The following ZNF704 variants were observed in gnomAD, a reference collection of about 807,000 sequenced individuals.
The protein encoded by ZNF704 is zinc finger protein 704.
ZNF704 carries 10 observed loss-of-function variants against 44.7 expected under a neutral mutation model. The ratio of observed to expected loss-of-function variants is 0.22; its 90% confidence interval spans 0.14 to 0.38. ZNF704 has a LOEUF of 0.38. Among genes scored for constraint, ZNF704 ranks in the 10% least tolerant of loss-of-function variants. ZNF704 has a pLI of 1.00. For missense variants in ZNF704, 390 were observed against 545.5 expected, an observed-to-expected ratio of 0.71 and a Z score of 2.84; for synonymous variants, 211 against 207.6, an observed-to-expected ratio of 1.02 and a Z score of -0.14.
At chr8:80,661,082 T>G (rs1265669300) in intron 6 of ZNF704, among the ~76,000 whole-genome samples, 1 of 152,122 alleles carries the variant, frequency 6.6e-6, no homozygotes, top group Non-Finnish European at 1.5e-5. Flanking sequence ...TACAATGAAT[T>G]CAAACAACTC....
chr8:80,775,620 C>A (rs1467547728), intron 2 of ZNF704, among the ~76,000 whole-genome samples: 1 of 152,098 alleles, frequency 6.6e-6, no homozygotes, highest in Non-Finnish European at 1.5e-5. Context: ...GTTGAATATC[C>A]CAAATAAACT....
chr8:80,753,850 T>C (rs931814604), intron 2 of ZNF704, among the ~76,000 whole-genome samples: 2 of 152,102 alleles, frequency 1.3e-5, no homozygotes, highest in Non-Finnish European at 2.9e-5. Flanking sequence ...CAGTGCCAAA[T>C]AGCTAGGCCT....
chr8:80,781,589 T>G (rs1807524183), intron 2 of ZNF704, among the ~76,000 whole-genome samples: 1 of 152,190 alleles, frequency 6.6e-6, no homozygotes. Context: ...ATCGCTGCTT[T>G]AAATGTTAGG....
intron 1 of ZNF704, among the ~76,000 whole-genome samples, chr8:80,838,840 G>A (rs1442460741): frequency 2.0e-5 from 3 of 151,828 alleles, no homozygotes; most frequent in South Asian, 2.1e-4. Flanking sequence ...CAGAGTGGAG[G>A]AGGAAGAGGG....
intron 2 of ZNF704, among the ~76,000 whole-genome samples, chr8:80,816,744 C>A (rs1586048460): frequency 6.6e-6 from 1 of 152,192 alleles, no homozygotes; most frequent in African/African-American, 2.4e-5. Flanking sequence ...AGAAACAGTG[C>A]TTGCTCATGT....
intron 6 of ZNF704, 107 bp downstream of exon 6, chr8:80,664,708 G>T: frequency 7.3e-7 from 1 of 1,361,708 alleles, no homozygotes; most frequent in African/African-American, 1.4e-5. Context: ...CCGGGCTGCC[G>T]TGTGTGATGC....
intron 7 of ZNF704, among the ~76,000 whole-genome samples, chr8:80,658,297 T>C (rs1421863421): frequency 6.6e-6 from 1 of 152,008 alleles, no homozygotes; most frequent in African/African-American, 2.4e-5. Context: ...TCAATAATTC[T>C]GTAACTGTGG....
chr8:80,630,051 G>A lies in ZNF704; in HGVS notation c.*11315C>T, dbSNP rs927188889. 2.6e-5 allele frequency: 4 copies of A among 152,204 alleles called. No homozygotes were observed. Among genetic ancestry groups the A allele is most frequent in the Admixed American group, 2.6e-4 (4 of 15,288 alleles). 9.4% of individuals were successfully genotyped at this position (152,204 alleles called of 1,614,324 possible). A position where few individuals can be genotyped will look rare whatever the true frequency, so the allele number is the denominator to read the frequency against. ...TAAAAACATCAAGTAGGAGAATATA[G>A]ATGGGCTTCCCATATCCCCATAAGG... On this transcript the variant is annotated 3_prime_UTR_variant, in exon 9 of 9. Transcript: ENST00000327835.
rs1022764975 is a variant in ZNF704 at position 80,670,676 on chromosome 8, T to C, written c.559-73A>G. The C allele has an allele frequency of 1.3e-5, 15 of 1,123,480 alleles. No homozygotes were observed. The South Asian group carries it at 1.6e-4, about 12-fold the overall frequency. 69.6% of individuals were successfully genotyped at this position (1,123,480 alleles called of 1,614,324 possible). On this transcript the variant is annotated intron_variant, in intron 4 of 8. Transcript: ENST00000327835. The stretch of plus-strand genomic sequence containing the variant: ...ACATTTTCTTTATGTCATCCCAACA[T>C]ATTTTTTTCCTTCATTAGAAAAGTA...
rs141251850 is a variant in ZNF704 at position 80,715,166 on chromosome 8, C to G, written c.222-22059G>C. Among the ~76,000 whole-genome samples the G allele has an allele frequency of 8.6e-3, 1,311 of 152,234 alleles. 20 individuals are homozygous for G. The highest frequency in any genetic ancestry group is 0.014 in the Middle Eastern group (4 of 294). On this transcript the variant is annotated intron_variant, in intron 2 of 8. Coordinates refer to ENST00000327835, the MANE Select transcript of ZNF704 (RefSeq NM_001033723.3). ...ATATTGCAAAAAAATAATTCACTTC[C>G]CCGTTTTCATGAGCAGAAATACAGG...
At chr8:80,779,159 C>T (rs753028292) in intron 2 of ZNF704, among the ~76,000 whole-genome samples, 25 of 150,822 alleles carry the variant, frequency 1.7e-4, no homozygotes, top group Non-Finnish European at 2.4e-4. Flanking sequence ...CTCCTCCTTC[C>T]TCTCCCATTT....
At chr8:80,843,639 G>A (rs1465733277) in intron 1 of ZNF704, among the ~76,000 whole-genome samples, 2 of 152,126 alleles carry the variant, frequency 1.3e-5, no homozygotes, top group Non-Finnish European at 2.9e-5. Flanking sequence ...TAAAGTATAT[G>A]CTAATACATT....
chr8:80,695,754 A>G (rs1200186606), intron 2 of ZNF704, among the ~76,000 whole-genome samples: 1 of 152,258 alleles, frequency 6.6e-6, no homozygotes, highest in African/African-American at 2.4e-5. Context: ...GCGAAAATCT[A>G]CCACATTTCA....
intron 1 of ZNF704, among the ~76,000 whole-genome samples, chr8:80,859,181 CTT>C (rs1203945625): frequency 6.6e-6 from 1 of 152,106 alleles, no homozygotes; most frequent in Non-Finnish European, 1.5e-5. Flanking sequence ...TAAATTGACT[CTT>C]AGCATTGTGG....
chr8:80,732,945 C>A (rs1218915732), intron 2 of ZNF704, among the ~76,000 whole-genome samples: 1 of 125,940 alleles, frequency 7.9e-6, no homozygotes, highest in Non-Finnish European at 1.6e-5. Context: ...CAGAGTGAGA[C>A]CTTGCCTAAA....
intron 1 of ZNF704, among the ~76,000 whole-genome samples, chr8:80,841,809 A>G (rs183618318): frequency 6.6e-6 from 1 of 152,172 alleles, no homozygotes; most frequent in African/African-American, 2.4e-5. Flanking sequence ...CTTTTTCTAG[A>G]GAAAGGGTCT....
At chr8:80,771,259 T>C (rs185918156) in intron 2 of ZNF704, among the ~76,000 whole-genome samples, 8 of 152,316 alleles carry the variant, frequency 5.3e-5, no homozygotes, top group Admixed American at 2.0e-4. Context: ...AGAATTTTGA[T>C]AGGAACTGCA....
intron 2 of ZNF704, among the ~76,000 whole-genome samples, chr8:80,745,998 C>T (rs747296799): frequency 6.6e-6 from 1 of 152,210 alleles, no homozygotes; most frequent in Non-Finnish European, 1.5e-5. Flanking sequence ...TTTCTCACAA[C>T]TCAGACTTTC....
chr8:80,802,670 G>A (rs1390644613), intron 2 of ZNF704, among the ~76,000 whole-genome samples: 1 of 152,028 alleles, frequency 6.6e-6, no homozygotes, highest in Non-Finnish European at 1.5e-5. Context: ...CAATAAACTA[G>A]ATACTGAAGG....
Sources: gnomAD v4.1 joint callset for allele counts (sites outside exome capture counted in the v4.1 genomes callset) on GRCh38, gnomAD v4.1.1 for gene constraint, MANE v1.5 for transcripts, NCBI Gene and HGNC (gene_info 2026-07-23, HGNC 2026-07-21) for gene names.